Variants in INPP5B observed in about 807,000 individuals in gnomAD.
INPP5B encodes inositol polyphosphate-5-phosphatase B.
In INPP5B, 90 loss-of-function variants were observed where a neutral mutation model predicts 118.5. That is an observed-to-expected ratio of 0.76 (90% CI 0.64 to 0.90). INPP5B has a LOEUF of 0.90. Among genes scored for constraint, INPP5B ranks in the 40% least tolerant of loss-of-function variants. The pLI is 0.00. For synonymous variants in INPP5B, 385 were observed against 418.9 expected (o/e 0.92, Z 0.99); for missense variants, 984 against 1,125.6 (o/e 0.87, Z 1.80).
chr1:37,939,803 C>T (rs1013584061), intron 6 of INPP5B, among the ~76,000 whole-genome samples: 3 of 152,064 alleles, frequency 2.0e-5, no homozygotes, highest in East Asian at 1.9e-4. Context: ...GGTGCAGTGG[C>T]GCAATCATAG....
intron 23 of INPP5B, among the ~76,000 whole-genome samples, chr1:37,863,756 G>C (rs1169860525): frequency 2.6e-5 from 4 of 150,956 alleles, no homozygotes; most frequent in African/African-American, 9.8e-5. Context: ...TAATCTTATG[G>C]GCCCTCCATC....
Position 37,886,565 on chromosome 1 carries a change from A to C in INPP5B, c.1131+323T>G, listed in dbSNP as rs1397123812. On this transcript the variant is annotated intron_variant, in intron 12 of 23. Coordinates refer to ENST00000373024, the MANE Select transcript of INPP5B (RefSeq NM_005540.3). ...GGCCTCAATAAGAAGAGGAAATTGC[A>C]AACCTACTGTCAGCATTCTTTGTTT... Among the ~76,000 whole-genome samples, 3 of 152,270 alleles carry C rather than the reference A, an allele frequency of 2.0e-5. No individual in the cohort carries two copies. The East Asian group carries it at 5.8e-4, about 29-fold the overall frequency.
intron 22 of INPP5B, 88 bp from the exon 23 acceptor site, chr1:37,864,511 C>T: frequency 6.8e-6 from 5 of 732,174 alleles, no homozygotes; most frequent in South Asian, 5.4e-5. Context: ...ATACACGATC[C>T]AAGTGCACGA....
chr1:37,872,607 C>A (rs1642528664), intron 19 of INPP5B, among the ~76,000 whole-genome samples: 1 of 151,446 alleles, frequency 6.6e-6, no homozygotes. Context: ...AAAGCTAACA[C>A]CAAGACATGT....
In INPP5B at chr1:37,882,914, T is replaced by C; in HGVS notation, c.1324A>G (p.Ile442Val). ...PPLTISNHDV[I>V]LWLGDLNYRI... Reference sequence around the variant, plus strand: ...TAGTTGAGGTCCCCCAGCCACAAGATCACACTGTGAGGACAGAGCACAAAG... The same window carrying C: ...TAGTTGAGGTCCCCCAGCCACAAGACCACACTGTGAGGACAGAGCACAAAG... Residue 442 changes from isoleucine (I) to valine (V), a missense_variant, in exon 14 of 24, where the codon ATC becomes GTC. Coordinates refer to ENST00000373024, the MANE Select transcript of INPP5B (RefSeq NM_005540.3). 1 of 1,614,076 alleles carries C rather than the reference T, an allele frequency of 6.2e-7. No individual in the cohort carries two copies. Among genetic ancestry groups the C allele is most frequent in the South Asian group, 1.1e-5 (1 of 91,084 alleles).
At chr1:37,933,603 C>T (rs1014027945) in intron 6 of INPP5B, among the ~76,000 whole-genome samples, 3 of 151,756 alleles carry the variant, frequency 2.0e-5, no homozygotes, top group Non-Finnish European at 4.4e-5. Flanking sequence ...ACCTGTAATC[C>T]CAGCTACTCG....
At chr1:37,866,238 T>C (rs530843291) in intron 21 of INPP5B, among the ~76,000 whole-genome samples, 2 of 152,188 alleles carry the variant, frequency 1.3e-5, no homozygotes, top group African/African-American at 2.4e-5. Flanking sequence ...GCCTGGGTGA[T>C]AGAGATGGAC....
At chr1:37,880,423 TTTTA>T (rs71278742) in intron 14 of INPP5B, among the ~76,000 whole-genome samples, 53 of 149,836 alleles carry the variant, frequency 3.5e-4, no homozygotes, top group South Asian at 6.3e-4. Flanking sequence ...GTTTTTAATG[TTTTA>T]TTTATTTATT....
At chr1:37,940,590 C>T in intron 6 of INPP5B, 98 bp downstream of exon 6, 1 of 700,620 alleles carries the variant, frequency 1.4e-6, no homozygotes, top group Non-Finnish European at 2.5e-6. Context: ...GACACAGAAA[C>T]CATGGGGTAA....
At chr1:37,893,821 G>A (rs1361904870) in intron 7 of INPP5B, among the ~76,000 whole-genome samples, 2 of 152,250 alleles carry the variant, frequency 1.3e-5, no homozygotes, top group Admixed American at 1.3e-4. Flanking sequence ...TTGATGCCAT[G>A]CTCTAAGCAT....
chr1:37,884,284 A>G (rs945479435), intron 13 of INPP5B: 2 of 152,010 alleles, frequency 1.3e-5, no homozygotes, highest in Non-Finnish European at 2.9e-5. Context: ...GTTTTGTCAT[A>G]TTCTCTGCTC....
intron 7 of INPP5B, among the ~76,000 whole-genome samples, chr1:37,896,485 C>A (rs1235827401): frequency 6.7e-6 from 1 of 148,444 alleles, no homozygotes; most frequent in African/African-American, 2.5e-5. Context: ...GGATCAGCCC[C>A]CCGCCCGGCC....
intron 7 of INPP5B, among the ~76,000 whole-genome samples, chr1:37,897,683 T>C (rs1328028128): frequency 1.3e-5 from 2 of 151,668 alleles, no homozygotes; most frequent in Non-Finnish European, 1.5e-5. Flanking sequence ...TATTGTCCTG[T>C]GACCCTGCCA....
chr1:37,902,407 C>T (rs1457210353), intron 7 of INPP5B, among the ~76,000 whole-genome samples: 1 of 152,160 alleles, frequency 6.6e-6, no homozygotes, highest in Non-Finnish European at 1.5e-5. Context: ...TTCACCTCCT[C>T]CAATTCCATT....
intron 10 of INPP5B, 82 bp downstream of exon 10, chr1:37,888,161 T>G: frequency 1.2e-6 from 1 of 816,780 alleles, no homozygotes; most frequent in South Asian, 3.7e-5. Flanking sequence ...TTTCAAATCC[T>G]TCACCTGTTG....
chr1:37,931,882 C>T lies in INPP5B; in HGVS notation c.532+31G>A, dbSNP rs753545272. ...CCCCTGTGGCCGGGCCTCCTCCAAT[C>T]CCCACCGTTTCTTCCGGGACGGATA... On this transcript the variant is annotated intron_variant, in intron 7 of 23. Coordinates refer to ENST00000373024, the MANE Select transcript of INPP5B (RefSeq NM_005540.3). The T allele has an allele frequency of 1.9e-6, 3 of 1,613,664 alleles. No homozygotes were observed. The African/African-American group carries it at 4.0e-5, about 22-fold the overall frequency.
intron 7 of INPP5B, among the ~76,000 whole-genome samples, chr1:37,906,495 G>A (rs949814104): frequency 7.2e-5 from 11 of 152,042 alleles, no homozygotes; most frequent in South Asian, 6.2e-4. Flanking sequence ...AAAGCAAATC[G>A]GTCTTACCAT....
rs117324107 is a variant in INPP5B at position 37,920,250 on chromosome 1, G to A, written c.532+11663C>T. Among the ~76,000 whole-genome samples the A allele has an allele frequency of 6.6e-5, 10 of 152,336 alleles. No homozygotes were observed. The East Asian group carries it at 1.7e-3, about 26-fold the overall frequency. On this transcript the variant is annotated intron_variant, in intron 7 of 23. Coordinates refer to ENST00000373024, the MANE Select transcript of INPP5B (RefSeq NM_005540.3). ...AGAGGCTCAGAAAGCATTTCTGGCAGAGAAAATTTAACTTCAGCAAAAGCA... is the reference window on the plus strand; with the variant it reads ...AGAGGCTCAGAAAGCATTTCTGGCAAAGAAAATTTAACTTCAGCAAAAGCA...
chr1:37,920,269 A>G (rs1645008159), intron 7 of INPP5B, among the ~76,000 whole-genome samples: 1 of 152,248 alleles, frequency 6.6e-6, no homozygotes, highest in Admixed American at 6.5e-5. Context: ...TAACTTCAGC[A>G]AAAGCACAAA....
Sources: allele counts gnomAD v4.1 joint callset (sites outside exome capture counted in the v4.1 genomes callset), GRCh38; gene constraint gnomAD v4.1.1; transcripts MANE v1.5; gene names NCBI Gene and HGNC (gene_info 2026-07-23, HGNC 2026-07-21).